Variants in ACVR1C observed in about 807,000 individuals in gnomAD.
ACVR1C encodes activin receptor type-1C.
Under a neutral mutation model 57.9 loss-of-function variants are expected in ACVR1C, and 23 were observed. That is an observed-to-expected ratio of 0.40 (90% CI 0.29 to 0.56). The LOEUF is 0.56. Ranked by LOEUF, ACVR1C falls within the 20% of genes least tolerant of loss-of-function variation. The pLI is 0.50. For missense variants in ACVR1C, 480 were observed against 607.9 expected (o/e 0.79, Z 2.21); for synonymous variants, 214 against 215.3 (o/e 0.99, Z 0.05).
intron 3 of ACVR1C, among the ~76,000 whole-genome samples, chr2:157,554,259 GAAAGA>G (rs1553481362): frequency 8.0e-6 from 1 of 125,348 alleles, no homozygotes; most frequent in African/African-American, 3.5e-5. Flanking sequence ...AAGAAAGAAA[GAAAGA>G]AAGAAAGGAA....
At chr2:157,560,906 C>A (rs1250543195) in intron 2 of ACVR1C, among the ~76,000 whole-genome samples, 1 of 152,164 alleles carries the variant, frequency 6.6e-6, no homozygotes, top group Non-Finnish European at 1.5e-5. Flanking sequence ...TGGAAATCTT[C>A]TGGTATAATA....
rs552769522 is a variant in ACVR1C at position 157,608,922 on chromosome 2, C to T, written c.73+19650G>A. ...TGTTTATCTTTTCAAAGAACCAATT[C>T]TTCACCTCATTGATTCTTTGAATTT... is the stretch of plus-strand genomic sequence containing the variant. On this transcript the variant is annotated intron_variant, in intron 1 of 8. Transcript: ENST00000243349. Among the ~76,000 whole-genome samples the T allele has an allele frequency of 5.9e-5, 9 of 151,850 alleles. No homozygotes were observed. The South Asian group carries it at 1.7e-3, about 28-fold the overall frequency.
At chr2:157,546,101 T>C (rs1212085047) in intron 4 of ACVR1C, among the ~76,000 whole-genome samples, 2 of 152,086 alleles carry the variant, frequency 1.3e-5, no homozygotes, top group Non-Finnish European at 2.9e-5. Context: ...TATTTTATAA[T>C]CCAATAAACA....
intron 2 of ACVR1C, among the ~76,000 whole-genome samples, chr2:157,572,889 AT>A (rs1423052411): frequency 1.3e-5 from 2 of 152,082 alleles, no homozygotes; most frequent in Non-Finnish European, 2.9e-5. Context: ...CTATAAATGG[AT>A]TTGTTCGTGT....
chr2:157,562,635 T>C (rs1449879466), intron 2 of ACVR1C, among the ~76,000 whole-genome samples: 1 of 151,974 alleles, frequency 6.6e-6, no homozygotes, highest in Non-Finnish European at 1.5e-5. Flanking sequence ...GGCAGCATCA[T>C]CCTGATACCA....
At chr2:157,598,567 T>C (rs928401747) in intron 1 of ACVR1C, among the ~76,000 whole-genome samples, 4 of 149,240 alleles carry the variant, frequency 2.7e-5, no homozygotes, top group African/African-American at 9.9e-5. Context: ...TGAGATGGAG[T>C]CTCACTCTGT....
chr2:157,565,695 G>C (rs1688352307), intron 2 of ACVR1C, among the ~76,000 whole-genome samples: 1 of 152,072 alleles, frequency 6.6e-6, no homozygotes, highest in Non-Finnish European at 1.5e-5. Context: ...ACTGTTTGAT[G>C]CTCAGTCTAT....
Position 157,531,826 on chromosome 2 carries a change from T to A in ACVR1C, c.*2092A>T, listed in dbSNP as rs527878753. 1.3e-5 allele frequency: 2 copies of A among 152,236 alleles called. No individual in the cohort carries two copies. Among genetic ancestry groups the A allele is most frequent in the African/African-American group, 4.8e-5 (2 of 41,558 alleles). The allele number at this position is 152,236 out of a possible 1,614,324, so 9.4% of individuals were successfully genotyped here. A position where few individuals can be genotyped will look rare whatever the true frequency, so the allele number is the denominator to read the frequency against. Reference sequence around the variant, plus strand: ...CAAATGAAAGCAATTTTCAGACCTATCCTAGAAACCCACTGTCATGCAGAA... The same window carrying A: ...CAAATGAAAGCAATTTTCAGACCTAACCTAGAAACCCACTGTCATGCAGAA... On this transcript the variant is annotated 3_prime_UTR_variant, in exon 9 of 9. Transcript: ENST00000243349.
intron 4 of ACVR1C, 85 bp from the exon 5 acceptor site, chr2:157,544,697 T>C (rs1687708234): frequency 1.7e-6 from 2 of 1,200,012 alleles, no homozygotes; most frequent in African/African-American, 3.1e-5. Flanking sequence ...GTTTAATCTG[T>C]ATTGTTAACA....
At chr2:157,605,297 A>G (rs2105143392) in intron 1 of ACVR1C, among the ~76,000 whole-genome samples, 1 of 151,826 alleles carries the variant, frequency 6.6e-6, no homozygotes, top group East Asian at 1.9e-4. Context: ...TAGATTTATA[A>G]TGAATCTTGA....
chr2:157,573,579 A>G (rs929676435), intron 2 of ACVR1C, among the ~76,000 whole-genome samples: 1 of 152,088 alleles, frequency 6.6e-6, no homozygotes, highest in African/African-American at 2.4e-5. Flanking sequence ...TTTCCATATG[A>G]AGGGCTGTAA....
chr2:157,562,194 C>T (rs1245361580), intron 2 of ACVR1C, among the ~76,000 whole-genome samples: 2 of 151,224 alleles, frequency 1.3e-5, no homozygotes, highest in African/African-American at 4.9e-5. Context: ...ACTTGGGAGG[C>T]TGAGGTAGAA....
intron 1 of ACVR1C, among the ~76,000 whole-genome samples, chr2:157,618,496 T>G (rs998963013): frequency 6.6e-6 from 1 of 151,648 alleles, no homozygotes; most frequent in African/African-American, 2.4e-5. Context: ...AAAAGACAAG[T>G]ATGTAAGACA....
chr2:157,572,477 C>T (rs1217563771), intron 2 of ACVR1C, among the ~76,000 whole-genome samples: 2 of 151,834 alleles, frequency 1.3e-5, no homozygotes, highest in Non-Finnish European at 2.9e-5. Context: ...GTGAAATAAT[C>T]ACATTTTGAC....
At chr2:157,545,333 A>T (rs575699080) in intron 4 of ACVR1C, among the ~76,000 whole-genome samples, 17 of 152,308 alleles carry the variant, frequency 1.1e-4, no homozygotes, top group Middle Eastern at 6.8e-3. Context: ...CAGGGAAAGG[A>T]TCTATAATGA....
intron 5 of ACVR1C, among the ~76,000 whole-genome samples, chr2:157,544,038 T>A (rs1687682116): frequency 6.9e-6 from 1 of 144,264 alleles, no homozygotes; most frequent in Non-Finnish European, 1.5e-5. Flanking sequence ...TTCTTTACTT[T>A]TTTTTTTTTT....
chr2:157,585,594 T>C (rs1688900355), intron 2 of ACVR1C, among the ~76,000 whole-genome samples: 1 of 152,134 alleles, frequency 6.6e-6, no homozygotes, highest in Non-Finnish European at 1.5e-5. Flanking sequence ...GGAAGATACA[T>C]TACAAGTCAC....
chr2:157,548,847 A>G (rs1687835929), intron 4 of ACVR1C, among the ~76,000 whole-genome samples: 1 of 152,226 alleles, frequency 6.6e-6, no homozygotes, highest in Non-Finnish European at 1.5e-5. Flanking sequence ...ACATTAATAG[A>G]AAAGTTCACT....
chr2:157,575,730 C>T (rs1337893648), intron 2 of ACVR1C, among the ~76,000 whole-genome samples: 1 of 152,104 alleles, frequency 6.6e-6, no homozygotes, highest in Admixed American at 6.5e-5. Context: ...TCTAAGTTCT[C>T]CCGTGAAATG....
Sources: gnomAD v4.1 joint callset for allele counts (sites outside exome capture counted in the v4.1 genomes callset) on GRCh38, gnomAD v4.1.1 for gene constraint, MANE v1.5 for transcripts, NCBI Gene and HGNC (gene_info 2026-07-23, HGNC 2026-07-21) for gene names.